The following CDH12 variants were observed in gnomAD, a reference collection of about 807,000 sequenced individuals.
CDH12 encodes the protein cadherin-12.
A neutral mutation model predicts 74.1 loss-of-function variants in CDH12; 41 were observed. That is an observed-to-expected ratio of 0.55 (90% confidence interval 0.43 to 0.72). The LOEUF (loss-of-function observed/expected upper bound fraction) is 0.72, where lower values mean the gene tolerates loss of function less well. CDH12 is among the 30% of genes least tolerant of loss of function. CDH12 has a pLI of 0.00. For synonymous variants in CDH12, 399 were observed against 355.0 expected, an observed-to-expected ratio of 1.12 and a Z score of -1.39; for missense variants, 945 against 977.2, an observed-to-expected ratio of 0.97 and a Z score of 0.44.
chr5:22,810,683 T>G lies in CDH12; in HGVS notation c.-523+42375A>C, dbSNP rs1414366086. 3.9e-5 allele frequency among the ~76,000 whole-genome samples: 6 copies of G among 152,014 alleles called. No homozygotes were observed. The East Asian group carries it at 1.2e-3, about 29-fold the overall frequency. On this transcript the variant is annotated intron_variant, in intron 1 of 14. Transcript: ENST00000382254. The stretch of plus-strand genomic sequence containing the variant: ...CTTGATGTCAGAAGTTAGAAACAAG[T>G]CTGGTAAACATACTGAGACTCCATC...
At chr5:21,796,886 C>T (rs1746809823) in intron 10 of CDH12, among the ~76,000 whole-genome samples, 1 of 152,088 alleles carries the variant, frequency 6.6e-6, no homozygotes, top group Non-Finnish European at 1.5e-5. Context: ...GCCCCTACTT[C>T]ACTAATGTTG....
chr5:22,120,391 G>A (rs1418746559), intron 4 of CDH12, among the ~76,000 whole-genome samples: 1 of 152,084 alleles, frequency 6.6e-6, no homozygotes, highest in Non-Finnish European at 1.5e-5. Context: ...TGTATCAGTA[G>A]ATGAAGTATT....
In CDH12 at chr5:21,842,083, C is replaced by A; in HGVS notation, c.814+78G>T. On this transcript the variant is annotated intron_variant, in intron 8 of 14. Transcript: ENST00000382254. Reference sequence around the variant, plus strand: ...GACTAAGTGTCTGGAAAATGATTGTCATTCCCATAGCATTCAATGACACCA... The same window carrying A: ...GACTAAGTGTCTGGAAAATGATTGTAATTCCCATAGCATTCAATGACACCA... 3 of 1,056,598 alleles carry A rather than the reference C, an allele frequency of 2.8e-6. No individual in the cohort carries two copies. The South Asian group carries it at 5.1e-5, about 18-fold the overall frequency. The allele number at this position is 1,056,598 out of a possible 1,614,324, so 65.5% of individuals were successfully genotyped here.
intron 3 of CDH12, among the ~76,000 whole-genome samples, chr5:22,272,708 G>C (rs1239637556): frequency 6.6e-6 from 1 of 152,116 alleles, no homozygotes; most frequent in Admixed American, 6.6e-5. Flanking sequence ...TCAAGGAAAA[G>C]GAGTGAGATA....
intron 5 of CDH12, among the ~76,000 whole-genome samples, chr5:22,058,003 A>T (rs1028430875): frequency 3.3e-5 from 2 of 61,420 alleles, no homozygotes; most frequent in African/African-American, 1.1e-4. Context: ...CTTGTATTCT[A>T]TCTATCTATC....
intron 1 of CDH12, among the ~76,000 whole-genome samples, chr5:22,730,839 C>A (rs1294561346): frequency 1.3e-5 from 2 of 151,384 alleles, no homozygotes; most frequent in East Asian, 1.9e-4. Context: ...AAAATGATTC[C>A]CTGTAAGAAA....
Position 22,580,547 on chromosome 5 carries a change from C to T in CDH12, c.-522-75183G>A, listed in dbSNP as rs1183346663. On this transcript the variant is annotated intron_variant, in intron 1 of 14. Transcript: ENST00000382254. ...TACTCTGGATGGTGGCTCAGAGATG[C>T]TCATCAGGGCTGTATGTGTCTTGTG... 3.6e-5 allele frequency: 17 copies of T among 468,410 alleles called. 1 individual carries two copies. The highest frequency in any genetic ancestry group is 1.5e-4 in the South Asian group (9 of 60,278). The allele number at this position is 468,410 out of a possible 1,614,324, so 29.0% of individuals were successfully genotyped here.
intron 1 of CDH12, among the ~76,000 whole-genome samples, chr5:22,573,079 TTTTGATGATGTGCAAAA>T (rs1227564787): frequency 6.6e-6 from 1 of 152,182 alleles, no homozygotes; most frequent in Non-Finnish European, 1.5e-5. Context: ...AAATGTCCCA[TTTTGATGATGTGCAAAA>T]TTCTTTAAAT....
intron 1 of CDH12, among the ~76,000 whole-genome samples, chr5:22,666,489 A>C (rs2126906398): frequency 6.6e-6 from 1 of 151,674 alleles, no homozygotes; most frequent in South Asian, 2.1e-4. Context: ...ACGGGGTTTC[A>C]CCGTGTTAGC....
chr5:22,288,238 TAG>T (rs1478282138), intron 3 of CDH12, among the ~76,000 whole-genome samples: 1 of 152,152 alleles, frequency 6.6e-6, no homozygotes, highest in Non-Finnish European at 1.5e-5. Context: ...CACTTGAAGA[TAG>T]AGAACATGAG....
intron 3 of CDH12, among the ~76,000 whole-genome samples, chr5:22,305,039 C>G (rs900739856): frequency 1.3e-5 from 2 of 152,092 alleles, no homozygotes; most frequent in Non-Finnish European, 2.9e-5. Flanking sequence ...TACTCTCATG[C>G]CATAAACAAT....
At chr5:22,178,289 A>T (rs1580362820) in intron 4 of CDH12, among the ~76,000 whole-genome samples, 1 of 152,260 alleles carries the variant, frequency 6.6e-6, no homozygotes, top group Non-Finnish European at 1.5e-5. Flanking sequence ...GATATCATTG[A>T]CTTAATTATT....
rs143040889 is a variant in CDH12 at position 22,827,755 on chromosome 5, G to A, written c.-523+25303C>T. On this transcript the variant is annotated intron_variant, in intron 1 of 14. Transcript: ENST00000382254. Reference sequence around the variant, plus strand: ...GGTTAAGGTAATAGACATTTTTTAAGACTGTAAAGAAGTAAGAGAATGATA... The same window carrying A: ...GGTTAAGGTAATAGACATTTTTTAAAACTGTAAAGAAGTAAGAGAATGATA... 2.5e-3 allele frequency among the ~76,000 whole-genome samples: 382 copies of A among 152,256 alleles called. 2 individuals carry two copies. The highest frequency in any genetic ancestry group is 8.8e-3 in the African/African-American group (367 of 41,556).
chr5:22,690,497 C>G (rs2126942427), intron 1 of CDH12, among the ~76,000 whole-genome samples: 1 of 152,290 alleles, frequency 6.6e-6, no homozygotes, highest in East Asian at 1.9e-4. Flanking sequence ...CTGACTCAAT[C>G]TAAATCTATC....
In CDH12 at chr5:22,794,641, C is replaced by G. The variant is rs983616458; in HGVS notation, c.-523+58417G>C. Among the ~76,000 whole-genome samples the G allele has an allele frequency of 9.2e-5, 14 of 152,124 alleles. No homozygotes were observed. In the East Asian group the frequency reaches 2.7e-3, roughly 29 times the overall value. ...TAGAGAGAATAGAAAAAAATAGATA[C>G]AGAAAAACACAAACAAAGGAATAGT... On this transcript the variant is annotated intron_variant, in intron 1 of 14. Transcript: ENST00000382254.
chr5:22,128,386 T>C (rs901384212), intron 4 of CDH12, among the ~76,000 whole-genome samples: 5 of 151,686 alleles, frequency 3.3e-5, no homozygotes, highest in African/African-American at 9.7e-5. Flanking sequence ...AAAGAAAATA[T>C]AATCCTAAGA....
At chr5:22,553,908 A>C (rs527921222) in intron 1 of CDH12, among the ~76,000 whole-genome samples, 2 of 152,304 alleles carry the variant, frequency 1.3e-5, no homozygotes, top group Admixed American at 6.5e-5. Context: ...ACTCATTCTG[A>C]TATAATGTGG....
chr5:22,008,305 C>T (rs995006010), intron 5 of CDH12, among the ~76,000 whole-genome samples: 1 of 151,950 alleles, frequency 6.6e-6, no homozygotes, highest in Non-Finnish European at 1.5e-5. Flanking sequence ...TCTTGGCTCA[C>T]TGTAACCTCC....
At chr5:22,753,086 A>T (rs781003592) in intron 1 of CDH12, among the ~76,000 whole-genome samples, 1 of 152,126 alleles carries the variant, frequency 6.6e-6, no homozygotes, top group Non-Finnish European at 1.5e-5. Context: ...GAGCAGACTG[A>T]TGAGAAAGAG....
Sources: gnomAD v4.1 joint callset for allele counts (sites outside exome capture counted in the v4.1 genomes callset) on GRCh38, gnomAD v4.1.1 for gene constraint, MANE v1.5 for transcripts, NCBI Gene and HGNC (gene_info 2026-07-23, HGNC 2026-07-21) for gene names.